The following CSN2 variants were observed in gnomAD, a reference collection of about 807,000 sequenced individuals.
CSN2 encodes beta-casein.
In CSN2, 27 loss-of-function variants were observed where a neutral mutation model predicts 27.3. The observed-to-expected ratio is 0.99, with a 90% confidence interval of 0.73 to 1.36. The LOEUF (loss-of-function observed/expected upper bound fraction) is 1.36, where lower values mean the gene tolerates loss of function less well. CSN2 is among the 40% of genes most tolerant of loss of function. CSN2 has a pLI of 0.00. For synonymous variants in CSN2, 131 were observed against 94.8 expected (o/e 1.38, Z -2.22); for missense variants, 333 against 264.5 (o/e 1.26, Z -1.80).
Position 69,960,933 on chromosome 4 carries a change from T to C in CSN2, c.51+12A>G, listed in dbSNP as rs1408545360. The C allele has an allele frequency of 6.2e-7, 1 of 1,611,894 alleles. No individual in the cohort carries two copies. The highest frequency in any genetic ancestry group is 8.5e-7 in the Non-Finnish European group (1 of 1,178,472). ...TTATTGATTGTTTAGGAATTTTTTCTTGTGCACATACCTCCCTTGCAAGAG... is the reference window on the plus strand; with the variant it reads ...TTATTGATTGTTTAGGAATTTTTTCCTGTGCACATACCTCCCTTGCAAGAG... On this transcript the variant is annotated intron_variant, in intron 2 of 7. Coordinates refer to ENST00000353151, the MANE Select transcript of CSN2 (RefSeq NM_001891.4).
At chr4:69,961,745 G>A (rs1190397688) in intron 1 of CSN2, among the ~76,000 whole-genome samples, 8 of 152,096 alleles carry the variant, frequency 5.3e-5, no homozygotes, top group African/African-American at 9.7e-5. Flanking sequence ...CAATTAGGCA[G>A]GAGAAGGAAA....
chr4:69,965,495 A>ATTGCAATTTTTT (rs371067824), intron 1 of CSN2, among the ~76,000 whole-genome samples, 186 bp downstream of exon 1: 67,601 of 141,612 alleles, frequency 0.48, 16,728 homozygotes, highest in African/African-American at 0.61. Flanking sequence ...GCTATATGTC[A>ATTGCAATTTTTT]TTACCAAATT....
At position 69,955,485 on chromosome 4, in the gene CSN2, A is replaced by G. The variant is rs1038378932; in HGVS notation, c.*144T>C. The G allele has an allele frequency of 1.3e-5, 2 of 152,484 alleles. No individual in the cohort carries two copies. The highest frequency in any genetic ancestry group is 2.9e-5 in the Non-Finnish European group (2 of 67,940). The allele number at this position is 152,484 out of a possible 1,614,324, so 9.4% of individuals were successfully genotyped here. A position where few individuals can be genotyped will look rare whatever the true frequency, so the allele number is the denominator to read the frequency against. On this transcript the variant is annotated 3_prime_UTR_variant, in exon 8 of 8. Transcript: ENST00000353151. ...GAATGACATAATATATAAAATAAAT[A>G]AAGGGACAAAGTTCATTTTTTCCAT... is the stretch of plus-strand genomic sequence containing the variant.
At position 69,959,250 on chromosome 4, in the gene CSN2, C is replaced by T. The variant is rs369890262; in HGVS notation, c.79-181G>A. ...TATGTAAAAGAAAGTCAGATGAATGCAGTCAAGAAGGACATGGTACAAAAA... is the reference window on the plus strand; with the variant it reads ...TATGTAAAAGAAAGTCAGATGAATGTAGTCAAGAAGGACATGGTACAAAAA... On this transcript the variant is annotated intron_variant, in intron 3 of 7. Transcript: ENST00000353151. Among the ~76,000 whole-genome samples the T allele has an allele frequency of 8.0e-4, 122 of 151,738 alleles. 1 individual carries two copies. Among genetic ancestry groups the T allele is most frequent in the African/African-American group, 2.9e-3 (118 of 41,278 alleles).
chr4:69,956,484 T>C (rs1723400419), intron 6 of CSN2, 129 bp from the exon 7 acceptor site: 2 of 616,116 alleles, frequency 3.2e-6, no homozygotes. Flanking sequence ...AAAAACCAGA[T>C]GTGAAGTAAG....
intron 1 of CSN2, among the ~76,000 whole-genome samples, chr4:69,961,850 A>C (rs1447805991): frequency 6.6e-6 from 1 of 152,200 alleles, no homozygotes; most frequent in Non-Finnish European, 1.5e-5. Flanking sequence ...TCTCAGCCCA[A>C]AGTCTCCTTA....
In CSN2 at chr4:69,955,461, A is replaced by G. The variant is rs1283245203; in HGVS notation, c.*168T>C. On this transcript the variant is annotated 3_prime_UTR_variant, in exon 8 of 8. Coordinates refer to ENST00000353151, the MANE Select transcript of CSN2 (RefSeq NM_001891.4). ...CATGAGTCAAATTTCAAATTAAATG[A>G]ATGACATAATATATAAAATAAATAA... 2 of 152,502 alleles carry G rather than the reference A, an allele frequency of 1.3e-5. No homozygotes were observed. The highest frequency in any genetic ancestry group is 4.8e-5 in the African/African-American group (2 of 41,440). 9.4% of individuals were successfully genotyped at this position (152,502 alleles called of 1,614,324 possible).
At chr4:69,956,996 C>T (rs1206631782) in intron 6 of CSN2, among the ~76,000 whole-genome samples, 1 of 151,948 alleles carries the variant, frequency 6.6e-6, no homozygotes, top group Non-Finnish European at 1.5e-5. Context: ...CACACCTGGA[C>T]CTGTCGTGGG....
In CSN2 at chr4:69,957,425, T is replaced by C. The variant is rs1200339380; in HGVS notation, c.524A>G (p.Lys175Arg). The change falls in exon 6 of 8, where the codon AAA becomes AGA. Residue 175 changes from lysine to arginine, a missense_variant. Coordinates refer to ENST00000353151, the MANE Select transcript of CSN2 (RefSeq NM_001891.4). ...PQPLWSVPQP[K>R]VLPIPQQVVP... ...CACTTGCTGGGGGATAGGCAGGACT[T>C]TGGGCTGAGGAACAGACCACAGGGG... The C allele has an allele frequency of 2.5e-6, 4 of 1,613,414 alleles. No homozygotes were observed. The African/African-American group carries it at 5.3e-5, about 22-fold the overall frequency.
chr4:69,956,499 G>A (rs1723400766), intron 6 of CSN2, 144 bp from the exon 7 acceptor site: 2 of 539,594 alleles, frequency 3.7e-6, no homozygotes, highest in East Asian at 4.4e-5. Context: ...AGTAAGGCTT[G>A]TGTAAAATAA....
chr4:69,959,986 G>T, intron 3 of CSN2, 67 bp downstream of exon 3: 1 of 1,409,602 alleles, frequency 7.1e-7, no homozygotes, highest in Non-Finnish European at 1.0e-6. Context: ...TAACTGCCAT[G>T]ATGTAACACC....
intron 3 of CSN2, 21 bp downstream of exon 3, chr4:69,960,032 T>C (rs370888035): frequency 6.3e-5 from 101 of 1,609,520 alleles, no homozygotes; most frequent in Non-Finnish European, 8.3e-5. Context: ...TGTTCTAAAA[T>C]TGGGTAGAAT....
chr4:69,962,584 T>C (rs1223865447), intron 1 of CSN2, among the ~76,000 whole-genome samples: 1 of 152,128 alleles, frequency 6.6e-6, no homozygotes, highest in Non-Finnish European at 1.5e-5. Context: ...AAAAATTAAT[T>C]CAAGGTGGAT....
At chr4:69,961,642 A>T (rs892240127) in intron 1 of CSN2, among the ~76,000 whole-genome samples, 11 of 152,188 alleles carry the variant, frequency 7.2e-5, no homozygotes, top group Non-Finnish European at 1.3e-4. Context: ...AATGGACAAA[A>T]ACTGGAAGCA....
Position 69,957,322 on chromosome 4 carries a change from C to A in CSN2, c.627G>T (p.Gln209His). 1.2e-6 allele frequency: 2 copies of A among 1,602,214 alleles called. No individual in the cohort carries two copies. The highest frequency in any genetic ancestry group is 1.7e-6 in the Non-Finnish European group (2 of 1,173,280). The stretch of plus-strand genomic sequence containing the variant: ...CAAGTGGCTGAGTCACAGGGTAGAT[C>A]TGGTGGGTGGGGTTAAGTAGAAGTT... ...NQELLLNPTHQIYPVTQPLAP... is the reference protein window; with the variant it reads ...NQELLLNPTHHIYPVTQPLAP... Residue 209 changes from glutamine to histidine, a missense_variant, in exon 6 of 8, where the codon CAG becomes CAT. Transcript: ENST00000353151.
intron 1 of CSN2, among the ~76,000 whole-genome samples, 183 bp downstream of exon 1, chr4:69,965,498 A>G (rs1723779258): frequency 3.5e-5 from 3 of 84,928 alleles, no homozygotes; most frequent in African/African-American, 1.0e-4. Flanking sequence ...ATATGTCATT[A>G]CCAAATTCTT....
Position 69,957,412 on chromosome 4 carries a change from G to T in CSN2, c.537C>A (p.Ile179=). ...WSVPQPKVLP[I]PQQVVPYPQR... is the part of the protein sequence containing the mutation. ...GAGGGTAGGGCACCACTTGCTGGGG[G>T]ATAGGCAGGACTTTGGGCTGAGGAA... is the stretch of plus-strand genomic sequence containing the variant. The change falls in exon 6 of 8, where the codon ATC becomes ATA. Residue 179 remains isoleucine, a synonymous_variant. Coordinates refer to ENST00000353151, the MANE Select transcript of CSN2 (RefSeq NM_001891.4). The T allele has an allele frequency of 2.5e-6, 4 of 1,613,640 alleles. No homozygotes were observed. Among genetic ancestry groups the T allele is most frequent in the East Asian group, 2.2e-5 (1 of 44,840 alleles).
At chr4:69,961,965 A>C (rs1451708482) in intron 1 of CSN2, among the ~76,000 whole-genome samples, 18 of 152,206 alleles carry the variant, frequency 1.2e-4, no homozygotes, top group Admixed American at 1.0e-3. Context: ...CCAAATCATG[A>C]GTGAACTCCC....
chr4:69,959,781 T>A, intron 3 of CSN2, among the ~76,000 whole-genome samples: 1 of 150,512 alleles, frequency 6.6e-6, no homozygotes, highest in African/African-American at 2.5e-5. Flanking sequence ...AAGTTCAGAG[T>A]AAAGAGAGTT....
Sources: gnomAD v4.1 joint callset for allele counts (sites outside exome capture counted in the v4.1 genomes callset) on GRCh38, gnomAD v4.1.1 for gene constraint, MANE v1.5 for transcripts, NCBI Gene and HGNC (gene_info 2026-07-23, HGNC 2026-07-21) for gene names.